TUSC3: variants seen among roughly 807,000 people sequenced by gnomAD.
TUSC3 encodes the protein tumor suppressor candidate 3.
A neutral mutation model predicts 44.8 loss-of-function variants in TUSC3; 45 were observed. That is an observed-to-expected ratio of 1.00 (90% CI 0.79 to 1.29). The LOEUF is 1.29. Ranked by LOEUF, TUSC3 falls within the 50% of genes most tolerant of loss-of-function variation. The pLI is 0.00. For missense variants in TUSC3, 519 were observed against 437.9 expected (o/e 1.19, Z -1.65); for synonymous variants, 212 against 152.9 (o/e 1.39, Z -2.85).
intron 2 of TUSC3, among the ~76,000 whole-genome samples, chr8:15,517,986 A>AC (rs930181714): frequency 1.2e-4 from 18 of 151,218 alleles, no homozygotes; most frequent in South Asian, 2.1e-4. Context: ...GAACAAACAA[A>AC]AAAAAACCCC....
chr8:15,811,792 G>T, the TUSC3 span, among the ~76,000 whole-genome samples: 1 of 152,054 alleles, frequency 6.6e-6, no homozygotes, highest in Non-Finnish European at 1.5e-5. Context: ...ACCATCTGGG[G>T]CTTAATTACA....
intron 1 of TUSC3, among the ~76,000 whole-genome samples, chr8:15,441,641 ATTCC>A (rs1331312261): frequency 6.6e-6 from 1 of 152,212 alleles, no homozygotes; most frequent in Non-Finnish European, 1.5e-5. Context: ...GACATTTCTC[ATTCC>A]TTAATAAGCA....
intron 2 of TUSC3, among the ~76,000 whole-genome samples, chr8:15,533,435 C>G (rs769615470): frequency 1.3e-5 from 2 of 152,102 alleles, no homozygotes; most frequent in Admixed American, 6.5e-5. Flanking sequence ...GAGTTCTGTC[C>G]TTTGTCTAAT....
intron 1 of TUSC3, among the ~76,000 whole-genome samples, chr8:15,552,060 G>A (rs1179090100): frequency 6.6e-6 from 1 of 151,732 alleles, no homozygotes. Context: ...GAAGCCCAAA[G>A]TAGACAAGCC....
At chr8:15,759,770 C>G (rs1439806652) in intron 10 of TUSC3, among the ~76,000 whole-genome samples, 4 of 152,114 alleles carry the variant, frequency 2.6e-5, no homozygotes, top group Non-Finnish European at 5.9e-5. Context: ...TGACCTTTCT[C>G]ATGACATCCA....
At chr8:15,442,996 C>G (rs971146405) in intron 1 of TUSC3, among the ~76,000 whole-genome samples, 5 of 152,100 alleles carry the variant, frequency 3.3e-5, no homozygotes, top group African/African-American at 4.8e-5. Flanking sequence ...TGATGTTTCC[C>G]TTTTATAATT....
upstream of TUSC3, among the ~76,000 whole-genome samples, chr8:15,536,143 A>G (rs1031999127): frequency 6.6e-6 from 1 of 152,238 alleles, no homozygotes; most frequent in African/African-American, 2.4e-5. Context: ...CAAAGGGAAC[A>G]GCAGTACAAA....
intron 1 of TUSC3, among the ~76,000 whole-genome samples, chr8:15,605,987 G>T (rs1232447570): frequency 6.6e-6 from 1 of 151,966 alleles, no homozygotes; most frequent in African/African-American, 2.4e-5. Context: ...GTTGCATATT[G>T]CAGTAAACAG....
At chr8:15,772,028 G>T in the TUSC3 span, among the ~76,000 whole-genome samples, 1 of 152,118 alleles carries the variant, frequency 6.6e-6, no homozygotes, top group African/African-American at 2.4e-5. Context: ...GGCGGAGCTT[G>T]CAGTGAGCCA....
Position 15,540,390 on chromosome 8 carries a change from C to G in TUSC3, c.-41C>G, listed in dbSNP as rs1024151591. The G allele has an allele frequency of 7.9e-6, 12 of 1,517,090 alleles. No homozygotes were observed. Among genetic ancestry groups the G allele is most frequent in the South Asian group, 1.2e-5 (1 of 81,284 alleles). 94.0% of individuals were successfully genotyped at this position (1,517,090 alleles called of 1,614,324 possible). ...CGTGGTGCGCGGTAGGAGCTGGGCGCGCACGGCTACCGCGCGTGGAGGAGA... is the reference window on the plus strand; with the variant it reads ...CGTGGTGCGCGGTAGGAGCTGGGCGGGCACGGCTACCGCGCGTGGAGGAGA... On this transcript the variant is annotated 5_prime_UTR_variant, in exon 1 of 11. Coordinates refer to ENST00000503731, the MANE Select transcript of TUSC3 (RefSeq NM_006765.4).
rs560998281 is a variant in TUSC3 at position 15,443,432 on chromosome 8, C to T, written n.91+26127C>T. On this transcript the variant is annotated intron_variant and non_coding_transcript_variant, in intron 1 of 5. Transcript: ENST00000503191. ...TAGGGTGGTCTTGAACTTCTGGGCT[C>T]GAGTGATCTGCCTGCCTCAGCTTCC... 1.4e-4 allele frequency among the ~76,000 whole-genome samples: 21 copies of T among 151,060 alleles called. 1 individual carries two copies. The highest frequency in any genetic ancestry group is 4.9e-4 in the African/African-American group (20 of 41,070).
At chr8:15,841,130 T>A in the TUSC3 span, among the ~76,000 whole-genome samples, 1 of 151,768 alleles carries the variant, frequency 6.6e-6, no homozygotes, top group Non-Finnish European at 1.5e-5. Context: ...CCAAATTTAT[T>A]GTTCATATGT....
In TUSC3 at chr8:15,510,567, A is replaced by AT. The variant is rs562175740; in HGVS notation, n.189+27091dup. Reference sequence around the variant, plus strand: ...ATCAGACAACCCCAACACTATATATATTTTTTTAAATATCAGTTTGTAGTT... The same window carrying AT: ...ATCAGACAACCCCAACACTATATATATTTTTTTTAAATATCAGTTTGTAGTT... On this transcript the variant is annotated intron_variant and non_coding_transcript_variant, in intron 2 of 5. Coordinates refer to the TUSC3 transcript ENST00000503191. 3.1e-3 allele frequency among the ~76,000 whole-genome samples: 473 copies of AT among 152,262 alleles called. 3 individuals carry two copies. Among genetic ancestry groups the AT allele is most frequent in the African/African-American group, 0.01 (431 of 41,550 alleles).
At chr8:15,448,072 C>T (rs941292423) in intron 1 of TUSC3, among the ~76,000 whole-genome samples, 4 of 92,062 alleles carry the variant, frequency 4.3e-5, no homozygotes. Context: ...GCATTCCTGT[C>T]AGGGCAGAAA....
the TUSC3 span, among the ~76,000 whole-genome samples, chr8:15,821,977 A>C: frequency 6.6e-6 from 1 of 152,284 alleles, no homozygotes; most frequent in East Asian, 1.9e-4. Flanking sequence ...TCCAGGTAAA[A>C]GATGATGATG....
intron 1 of TUSC3, among the ~76,000 whole-genome samples, chr8:15,462,180 AC>A (rs1563257549): frequency 1.3e-5 from 2 of 152,110 alleles, no homozygotes; most frequent in African/African-American, 4.8e-5. Flanking sequence ...TGTACCATAT[AC>A]CAAGCCTACT....
chr8:15,629,087 G>A (rs1054769524), intron 2 of TUSC3, among the ~76,000 whole-genome samples: 2 of 152,184 alleles, frequency 1.3e-5, no homozygotes, highest in Admixed American at 1.3e-4. Flanking sequence ...TAAGTAACTT[G>A]CTGAAGTGTG....
the TUSC3 span, among the ~76,000 whole-genome samples, chr8:15,838,327 C>T: frequency 2.0e-5 from 3 of 152,160 alleles, no homozygotes; most frequent in Admixed American, 6.6e-5. Flanking sequence ...GCTTGGAAAC[C>T]ATCCCAAATA....
At chr8:15,570,108 A>T (rs898857777) in intron 1 of TUSC3, among the ~76,000 whole-genome samples, 5 of 152,142 alleles carry the variant, frequency 3.3e-5, no homozygotes, top group Admixed American at 6.5e-5. Flanking sequence ...ACTCTTGGTT[A>T]TAGCTTGTCC....
Sources: gnomAD v4.1 joint callset for allele counts (sites outside exome capture counted in the v4.1 genomes callset) on GRCh38, gnomAD v4.1.1 for gene constraint, MANE v1.5 for transcripts, NCBI Gene and HGNC (gene_info 2026-07-23, HGNC 2026-07-21) for gene names.